The following ZCCHC17 variants were observed in gnomAD, a reference collection of about 807,000 sequenced individuals.
ZCCHC17 encodes zinc finger CCHC domain-containing protein 17.
ZCCHC17 carries 18 observed loss-of-function variants against 30.6 expected under a neutral mutation model. The ratio of observed to expected loss-of-function variants is 0.59; its 90% CI spans 0.41 to 0.87. The LOEUF (loss-of-function observed/expected upper bound fraction) is 0.87. ZCCHC17 is among the 40% of genes least tolerant of loss of function. The pLI, the probability that ZCCHC17 is intolerant of heterozygous loss-of-function variation, is 0.00. For missense variants in ZCCHC17, 263 were observed against 284.2 expected, an observed-to-expected ratio of 0.93 and a Z score of 0.54; for synonymous variants, 88 against 92.4, an observed-to-expected ratio of 0.95 and a Z score of 0.27.
chr1:31,337,379 T>C, intron 4 of ZCCHC17, 104 bp downstream of exon 4: 3 of 989,432 alleles, frequency 3.0e-6, no homozygotes, highest in African/African-American at 1.6e-5. Flanking sequence ...ATTGTGCTGA[T>C]AATCTTATTT....
At chr1:31,334,337 C>CTCTCTG (rs1284223463) in intron 3 of ZCCHC17, among the ~76,000 whole-genome samples, 1 of 85,588 alleles carries the variant, frequency 1.2e-5, no homozygotes. Flanking sequence ...CTCTCTCTCT[C>CTCTCTG]TGTGTGTGTG....
chr1:31,299,121 G>A (rs1646242990), intron 1 of ZCCHC17, among the ~76,000 whole-genome samples: 2 of 152,206 alleles, frequency 1.3e-5, no homozygotes, highest in Non-Finnish European at 2.9e-5. Context: ...ATTTGGACAA[G>A]AAAATGTAGG....
At chr1:31,345,371 T>TG (rs1639207523) in intron 5 of ZCCHC17, among the ~76,000 whole-genome samples, 1 of 150,858 alleles carries the variant, frequency 6.6e-6, no homozygotes, top group Non-Finnish European at 1.5e-5. Flanking sequence ...TTAGCCAGGA[T>TG]GGTCTCGATC....
chr1:31,299,580 G>GCA (rs1478826070), intron 1 of ZCCHC17, among the ~76,000 whole-genome samples: 3 of 152,232 alleles, frequency 2.0e-5, no homozygotes, highest in African/African-American at 7.2e-5. Context: ...GCCAGTCATG[G>GCA]CAGTAAATTT....
intron 7 of ZCCHC17, among the ~76,000 whole-genome samples, chr1:31,357,277 G>A (rs1309417490): frequency 1.3e-5 from 2 of 152,118 alleles, no homozygotes; most frequent in Non-Finnish European, 2.9e-5. Context: ...AGCCCACTCA[G>A]GGACACATTC....
intron 6 of ZCCHC17, among the ~76,000 whole-genome samples, chr1:31,348,451 C>T (rs1202007003): frequency 1.3e-5 from 2 of 152,176 alleles, no homozygotes; most frequent in African/African-American, 4.8e-5. Context: ...CCACTCAGCT[C>T]CTTCTGCTAA....
Position 31,333,874 on chromosome 1 carries a change from TA to T in ZCCHC17, c.125-3299del, listed in dbSNP as rs377401470. On this transcript the variant is annotated intron_variant, in intron 3 of 7. Coordinates refer to ENST00000344147, the MANE Select transcript of ZCCHC17 (RefSeq NM_016505.4). ...CCCTCAAGTATATTAGGTTCAACAT[TA>T]ATTTCCATCATAACTTTCATTAGCA... is the stretch of plus-strand genomic sequence containing the variant. Among the ~76,000 whole-genome samples, 16 of 152,328 alleles carry T rather than the reference TA, an allele frequency of 1.1e-4. No homozygotes were observed. The East Asian group carries it at 3.1e-3, about 29-fold the overall frequency.
chr1:31,359,669 T>C (rs1289729673), intron 7 of ZCCHC17, among the ~76,000 whole-genome samples: 1 of 152,188 alleles, frequency 6.6e-6, no homozygotes, highest in African/African-American at 2.4e-5. Context: ...ATAGTGAAAA[T>C]GGGTAGACTA....
At chr1:31,336,722 T>C (rs1366854634) in intron 3 of ZCCHC17, among the ~76,000 whole-genome samples, 1 of 151,952 alleles carries the variant, frequency 6.6e-6, no homozygotes, top group Non-Finnish European at 1.5e-5. Flanking sequence ...TGGAGTGCAG[T>C]GGTGCAGTTG....
chr1:31,356,067 G>A (rs928909069), intron 7 of ZCCHC17, among the ~76,000 whole-genome samples: 11 of 152,174 alleles, frequency 7.2e-5, no homozygotes, highest in East Asian at 1.9e-4. Context: ...AATGCCTGGC[G>A]TGTGGAAGGG....
intron 1 of ZCCHC17, among the ~76,000 whole-genome samples, chr1:31,303,772 A>G (rs1646377620): frequency 6.6e-6 from 1 of 152,204 alleles, no homozygotes; most frequent in Admixed American, 6.5e-5. Context: ...TTTTTCCTAC[A>G]AACAAGGACA....
intron 3 of ZCCHC17, among the ~76,000 whole-genome samples, chr1:31,330,888 C>G (rs1032926189): frequency 6.6e-6 from 1 of 152,120 alleles, no homozygotes; most frequent in Non-Finnish European, 1.5e-5. Context: ...GTGGTGTGTC[C>G]ATGTTAACAA....
intron 3 of ZCCHC17, among the ~76,000 whole-genome samples, chr1:31,333,622 A>C (rs1025645047): frequency 1.3e-5 from 2 of 152,214 alleles, no homozygotes; most frequent in Admixed American, 1.3e-4. Flanking sequence ...GACCCATGGA[A>C]ATTCAGTTGT....
chr1:31,363,245 A>T (rs1343268908), intron 7 of ZCCHC17, among the ~76,000 whole-genome samples: 2 of 146,218 alleles, frequency 1.4e-5, no homozygotes, highest in Non-Finnish European at 3.0e-5. Context: ...GTGCAGTGGC[A>T]CAATCTTAGC....
intron 2 of ZCCHC17, 130 bp from the exon 3 acceptor site, chr1:31,318,979 C>T (rs1646797720): frequency 9.5e-7 from 1 of 1,048,910 alleles, no homozygotes; most frequent in African/African-American, 1.6e-5. Context: ...GACAGAGCAT[C>T]ATTTTTAGGC....
At chr1:31,333,794 T>G (rs1377243637) in intron 3 of ZCCHC17, among the ~76,000 whole-genome samples, 4 of 152,218 alleles carry the variant, frequency 2.6e-5, no homozygotes, top group Non-Finnish European at 5.9e-5. Flanking sequence ...TGCCATTATT[T>G]CTATGTGGTA....
chr1:31,298,801 T>C (rs553506651), intron 1 of ZCCHC17, among the ~76,000 whole-genome samples: 25 of 152,298 alleles, frequency 1.6e-4, no homozygotes, highest in African/African-American at 3.6e-4. Flanking sequence ...GAATATAAAA[T>C]TGGGCATAAT....
At position 31,339,017 on chromosome 1, in the gene ZCCHC17, A is replaced by G. The variant is rs758779796; in HGVS notation, c.286A>G (p.Lys96Glu). The change falls in exon 5 of 8, where the codon AAA becomes GAA. Residue 96 changes from lysine to glutamate, a missense_variant. Lys to Glu is a moderately conservative substitution (Grantham distance 56). Transcript: ENST00000344147. ...SMKVVNQGTG[K>E]DLDPNNVIIE... Reference sequence around the variant, plus strand: ...GAAGGTTGTCAATCAAGGGACTGGGAAAGACCTTGATCCCAACAATGTTAT... The same window carrying G: ...GAAGGTTGTCAATCAAGGGACTGGGGAAGACCTTGATCCCAACAATGTTAT... 6.2e-7 allele frequency: 1 copy of G among 1,612,382 alleles called. No homozygotes were observed. The highest frequency in any genetic ancestry group is 8.5e-7 in the Non-Finnish European group (1 of 1,179,462).
At chr1:31,301,569 T>C (rs1646312668) in intron 1 of ZCCHC17, among the ~76,000 whole-genome samples, 1 of 152,220 alleles carries the variant, frequency 6.6e-6, no homozygotes, top group Non-Finnish European at 1.5e-5. Context: ...TTAGCTATTA[T>C]AAGACTTTGA....
Sources: gnomAD v4.1 joint callset for allele counts (sites outside exome capture counted in the v4.1 genomes callset) on GRCh38, gnomAD v4.1.1 for gene constraint, MANE v1.5 for transcripts, NCBI Gene and HGNC (gene_info 2026-07-23, HGNC 2026-07-21) for gene names.